The following DIP2B variants were observed in gnomAD, a reference collection of about 807,000 sequenced individuals.
DIP2B encodes the protein disco-interacting protein 2 homolog B.
A neutral mutation model predicts 198.0 loss-of-function variants in DIP2B; 76 were observed. That is an observed-to-expected ratio of 0.38 (90% CI 0.32 to 0.46). The LOEUF is 0.46. Ranked by LOEUF, DIP2B falls within the 20% of genes least tolerant of loss-of-function variation. The pLI, the probability that DIP2B is intolerant of heterozygous loss-of-function variation, is 0.99. For missense variants in DIP2B, 1,559 were observed against 1,978.4 expected, an observed-to-expected ratio of 0.79 and a Z score of 4.02; for synonymous variants, 701 against 739.1, an observed-to-expected ratio of 0.95 and a Z score of 0.84.
In DIP2B at chr12:50,739,565, G is replaced by T; in HGVS notation, c.4333G>T (p.Glu1445Ter). 1 of 1,613,924 alleles carries T rather than the reference G, an allele frequency of 6.2e-7. No individual in the cohort carries two copies. The highest frequency in any genetic ancestry group is 1.1e-5 in the South Asian group (1 of 91,072). ...ATACCTTGGTTTTGTCCGCCGGACC[G>T]AGCTCACAGCGGCCACTGGAGGTAC... ...TGYLGFVRRTELTAATGERHD... is the reference protein window; with the variant it reads ...TGYLGFVRRT The change falls in exon 36 of 38, where the codon GAG (glutamate) becomes TAG (stop). Residue 1445 changes from glutamate (E) to a stop codon, truncating the protein, a stop_gained. Coordinates refer to ENST00000301180, the MANE Select transcript of DIP2B (RefSeq NM_173602.3). LOFTEE classifies it high-confidence loss of function.
chr12:50,680,273 A>C (rs985365341), intron 8 of DIP2B: 5 of 153,642 alleles, frequency 3.3e-5, no homozygotes, highest in African/African-American at 1.2e-4. Context: ...AAAAAAAAAA[A>C]AAAAAAAAAC....
At chr12:50,620,564 G>T (rs1045618061) in intron 1 of DIP2B, among the ~76,000 whole-genome samples, 1 of 152,160 alleles carries the variant, frequency 6.6e-6, no homozygotes, top group African/African-American at 2.4e-5. Context: ...CTCCTGCCAA[G>T]CGCTGCAGGC....
chr12:50,597,357 C>T (rs1433076135), intron 1 of DIP2B, among the ~76,000 whole-genome samples: 1 of 152,200 alleles, frequency 6.6e-6, no homozygotes, highest in Non-Finnish European at 1.5e-5. Flanking sequence ...GGATCTTTGT[C>T]AGTATCATAG....
chr12:50,591,465 A>T (rs948730436), intron 1 of DIP2B, among the ~76,000 whole-genome samples: 3 of 151,296 alleles, frequency 2.0e-5, no homozygotes, highest in African/African-American at 7.3e-5. Context: ...TATTTGAGAC[A>T]TTGTCTCTGT....
At chr12:50,544,011 C>T (rs1439155916) in intron 1 of DIP2B, among the ~76,000 whole-genome samples, 2 of 150,372 alleles carry the variant, frequency 1.3e-5, no homozygotes, top group Admixed American at 6.7e-5. Context: ...TGGCAGACCA[C>T]GAGGTCAGGA....
chr12:50,693,824 T>C (rs1218978121), intron 14 of DIP2B, among the ~76,000 whole-genome samples: 2 of 152,070 alleles, frequency 1.3e-5, no homozygotes, highest in Non-Finnish European at 2.9e-5. Context: ...GCTAGAAACT[T>C]GGAGAGAGAA....
chr12:50,532,304 C>T (rs778147526), intron 1 of DIP2B, among the ~76,000 whole-genome samples: 4 of 152,042 alleles, frequency 2.6e-5, no homozygotes, highest in Non-Finnish European at 5.9e-5. Context: ...CATTTAAGGT[C>T]AGGAGTTCCA....
At chr12:50,560,043 G>T (rs950101611) in intron 1 of DIP2B, among the ~76,000 whole-genome samples, 4 of 152,082 alleles carry the variant, frequency 2.6e-5, no homozygotes, top group Non-Finnish European at 5.9e-5. Flanking sequence ...TCGGGAGGCC[G>T]AGGTGGGTGG....
At chr12:50,568,757 G>A (rs1958588508) in intron 1 of DIP2B, among the ~76,000 whole-genome samples, 3 of 152,126 alleles carry the variant, frequency 2.0e-5, no homozygotes, top group Admixed American at 2.0e-4. Flanking sequence ...AGGCTGAGGG[G>A]AGCTTACTCC....
intron 1 of DIP2B, among the ~76,000 whole-genome samples, chr12:50,550,684 A>C (rs1177091911): frequency 1.3e-5 from 2 of 152,102 alleles, no homozygotes; most frequent in African/African-American, 4.8e-5. Flanking sequence ...GGAGGCTGTT[A>C]CTCCAGAGGC....
intron 1 of DIP2B, among the ~76,000 whole-genome samples, chr12:50,610,250 G>A (rs1014270976): frequency 1.3e-5 from 2 of 152,060 alleles, no homozygotes; most frequent in African/African-American, 2.4e-5. Context: ...ATTTGTTTGG[G>A]GAGTGATGGC....
intron 28 of DIP2B, among the ~76,000 whole-genome samples, chr12:50,726,437 A>G (rs1939935681): frequency 6.6e-6 from 1 of 151,994 alleles, no homozygotes; most frequent in Admixed American, 6.6e-5. Context: ...TGCAACCTCC[A>G]CCTCCTGGGT....
At chr12:50,697,560 T>TTA (rs869264552) in intron 17 of DIP2B, among the ~76,000 whole-genome samples, 8 of 132,682 alleles carry the variant, frequency 6.0e-5, no homozygotes, top group East Asian at 2.5e-4. Context: ...TTTTTTTTTT[T>TTA]AGATAGGATC....
At chr12:50,709,027 T>G (rs1341908474) in intron 22 of DIP2B, among the ~76,000 whole-genome samples, 1 of 152,162 alleles carries the variant, frequency 6.6e-6, no homozygotes, top group Non-Finnish European at 1.5e-5. Flanking sequence ...GGAAGGAGAA[T>G]GCTTTGGGCA....
chr12:50,630,019 G>A (rs892068802), intron 2 of DIP2B, among the ~76,000 whole-genome samples: 40 of 149,620 alleles, frequency 2.7e-4, no homozygotes, highest in African/African-American at 8.6e-4. Context: ...GCGCGATCTC[G>A]GCTCACTGCA....
At chr12:50,601,668 A>AT (rs199524388) in intron 1 of DIP2B, among the ~76,000 whole-genome samples, 38 of 148,230 alleles carry the variant, frequency 2.6e-4, no homozygotes, top group South Asian at 1.9e-3. Context: ...AATATTTTAC[A>AT]TTTTTTTTTT....
At chr12:50,512,130 A>ATC (rs1355014763) in intron 1 of DIP2B, among the ~76,000 whole-genome samples, 47 of 120,774 alleles carry the variant, frequency 3.9e-4, no homozygotes, top group Non-Finnish European at 5.7e-4. Flanking sequence ...TTTTTGAGAT[A>ATC]GAGTCTTGCT....
intron 4 of DIP2B, among the ~76,000 whole-genome samples, chr12:50,668,241 A>C (rs1938790357): frequency 1.3e-5 from 2 of 152,162 alleles, no homozygotes. Context: ...TCAGTCCCAT[A>C]AGAATAGGGA....
chr12:50,566,809 C>G (rs1039634285), intron 1 of DIP2B, among the ~76,000 whole-genome samples: 2 of 151,686 alleles, frequency 1.3e-5, no homozygotes. Context: ...CTCTACTAAA[C>G]AAAATACAAA....
Sources: gnomAD v4.1 joint callset for allele counts (sites outside exome capture counted in the v4.1 genomes callset) on GRCh38, gnomAD v4.1.1 for gene constraint, MANE v1.5 for transcripts, NCBI Gene and HGNC (gene_info 2026-07-23, HGNC 2026-07-21) for gene names.